The following IFT140 variants were observed in gnomAD, a reference collection of about 807,000 sequenced individuals.
IFT140 encodes the protein intraflagellar transport 140.
IFT140 carries 133 observed loss-of-function variants against 164.6 expected under a neutral mutation model. That is an observed-to-expected ratio of 0.81 (90% CI 0.70 to 0.93). IFT140 has a LOEUF of 0.93. IFT140 is among the 40% of genes least tolerant of loss of function. The probability of loss-of-function intolerance (pLI) is 0.00; values close to 1 mark genes in which losing one functional copy is unlikely to be tolerated. For synonymous variants in IFT140, 860 were observed against 817.3 expected (o/e 1.05, Z -0.89); for missense variants, 2,045 against 1,972.3 (o/e 1.04, Z -0.70).
At chr16:1,513,411 C>G (rs1013422096) in intron 30 of IFT140, among the ~76,000 whole-genome samples, 2 of 151,910 alleles carry the variant, frequency 1.3e-5, no homozygotes, top group Admixed American at 6.6e-5. Context: ...TGAGGCAGGA[C>G]AATTGCTTGA....
intron 19 of IFT140, chr16:1,541,506 C>G (rs1227347012): frequency 6.1e-6 from 6 of 985,286 alleles, no homozygotes; most frequent in African/African-American, 3.5e-5. Context: ...AGGCAGCGCC[C>G]TCGTCTTGGA....
rs534052238 is a variant in IFT140, at chr16:1,564,119, C to T, written c.1945G>A (p.Val649Met). ...TCACTCTGGTCCCAGAAGTGGTTCA[C>T]GGGAACATAATTTTTCAGTCCCTCA... ...VDEGLKNYVP[V>M]NHFWDQSEPR... The change falls in exon 17 of 31, where the codon GTG becomes ATG. Residue 649 changes from valine (V) to methionine (M), a missense_variant. Coordinates refer to ENST00000426508, the MANE Select transcript of IFT140 (RefSeq NM_014714.4). This position sits in a 1 kb window ranked among gnomAD's most constrained non-coding sequence, Gnocchi z 5.5. The T allele has an allele frequency of 2.1e-5, 34 of 1,591,604 alleles. No individual in the cohort carries two copies. In the Admixed American group the frequency reaches 2.4e-4, roughly 11 times the overall value.
intron 19 of IFT140, chr16:1,541,845 G>T: frequency 6.8e-7 from 1 of 1,473,538 alleles, no homozygotes; most frequent in Non-Finnish European, 9.0e-7. Context: ...CAGAGACCAC[G>T]AAAGTGGCGT....
chr16:1,557,576 A>AGC, intron 19 of IFT140: 1 of 223,654 alleles, frequency 4.5e-6, no homozygotes. Context: ...CCTCTTTCAG[A>AGC]GCATTTTTAA....
chr16:1,557,935 CT>C lies in IFT140; in HGVS notation c.2398del (p.Ser800ValfsTer13). 1 of 1,613,226 alleles carries C rather than the reference CT, an allele frequency of 6.2e-7. No homozygotes were observed. The highest frequency in any genetic ancestry group is 8.5e-7 in the Non-Finnish European group (1 of 1,179,812). ...EAFKSIKLIK[S>X]EAVWENMARM... ...ACATCCCAGTGGTCGGGATCCTCACCTTTTGATGAGCTTGATGGATTTGAAG... is the reference window on the plus strand; with the variant it reads ...ACATCCCAGTGGTCGGGATCCTCACCTTTGATGAGCTTGATGGATTTGAAG... On this transcript the variant is annotated frameshift_variant and splice_region_variant, in exon 19 of 31. Coordinates refer to ENST00000426508, the MANE Select transcript of IFT140 (RefSeq NM_014714.4). LOFTEE classifies it high-confidence loss of function.
chr16:1,525,878 C>T lies in IFT140; in HGVS notation c.2768+9G>A, dbSNP rs780735055. 2.5e-5 allele frequency: 38 copies of T among 1,527,678 alleles called. No homozygotes were observed. The African/African-American group carries it at 3.8e-4, about 15-fold the overall frequency. The allele number at this position is 1,527,678 out of a possible 1,614,324, so 94.6% of individuals were successfully genotyped here. The stretch of plus-strand genomic sequence containing the variant: ...GAGGCAGGGAAGAGGCCGCGAGGGC[C>T]GCACTCACTAACTGAGGGCCCGGCT... On this transcript the variant is annotated intron_variant, in intron 21 of 30. Transcript: ENST00000426508.
At chr16:1,594,421 A>G (rs1567416846) in intron 4 of IFT140, among the ~76,000 whole-genome samples, 1 of 151,892 alleles carries the variant, frequency 6.6e-6, no homozygotes, top group African/African-American at 2.4e-5. Context: ...GGGTCGCACT[A>G]TGTTGCCCAG....
At position 1,588,002 on chromosome 16, in the gene IFT140, C is replaced by T; in HGVS notation, c.833G>A (p.Gly278Asp). 6.2e-7 allele frequency: 1 copy of T among 1,613,830 alleles called. No individual in the cohort carries two copies. Among genetic ancestry groups the T allele is most frequent in the Non-Finnish European group, 8.5e-7 (1 of 1,179,906 alleles). ...AATCAAAGCGATGTCTGCCCGGCGG[C>T]CGGTTTTCCCGCTCAGCTTGACCTG... ...VMKVKLSGKT[G>D]RRADIALIEG... Residue 278 changes from glycine to aspartate, a missense_variant, in exon 8 of 31, where the codon GGC (glycine) becomes GAC (aspartate). Physicochemically the swap from Gly to Asp is moderately conservative, Grantham distance 94 (BLOSUM62 -1). Coordinates refer to ENST00000426508, the MANE Select transcript of IFT140 (RefSeq NM_014714.4).
chr16:1,611,656 AAC>A (rs1193255150), intron 1 of IFT140, among the ~76,000 whole-genome samples: 9 of 151,760 alleles, frequency 5.9e-5, no homozygotes, highest in African/African-American at 2.2e-4. Context: ...ATGTACTAAA[AAC>A]ACACAAATTA....
At position 1,569,008 on chromosome 16, in the gene IFT140, T is replaced by G. The variant is rs1339980260; in HGVS notation, c.1653-674A>C. ...AAAGTATGTAGTGGTAGCTTGTTTT[T>G]TTTTTTTTTTTTTTGAGACGGAGTC... On this transcript the variant is annotated intron_variant, in intron 14 of 30. Transcript: ENST00000426508. Among the ~76,000 whole-genome samples, 6 of 149,734 alleles carry G rather than the reference T, an allele frequency of 4.0e-5. No individual in the cohort carries two copies. In the East Asian group the frequency reaches 9.8e-4, roughly 25 times the overall value.
At chr16:1,524,030 G>A in intron 24 of IFT140, 74 bp from the exon 25 acceptor site, 1 of 1,559,148 alleles carries the variant, frequency 6.4e-7, no homozygotes, top group East Asian at 2.3e-5. Context: ...CTGGAATGTG[G>A]CCGGGTGCGA....
Sources: gnomAD v4.1 joint callset for allele counts (sites outside exome capture counted in the v4.1 genomes callset) on GRCh38, gnomAD v4.1.1 for gene constraint, Gnocchi (gnomAD v3.1) non-coding constraint, MANE v1.5 for transcripts, NCBI Gene and HGNC (gene_info 2026-07-23, HGNC 2026-07-21) for gene names.